Variants in RIPK2 observed in about 807,000 individuals in gnomAD.
The protein encoded by RIPK2 is receptor interacting serine/threonine kinase 2, also known as receptor-interacting serine/threonine-protein kinase 2.
RIPK2 carries 38 observed loss-of-function variants against 60.9 expected under a neutral mutation model. That is an observed-to-expected ratio of 0.62 (90% CI 0.48 to 0.82). The LOEUF is 0.82. Among genes scored for constraint, RIPK2 ranks in the 40% least tolerant of loss-of-function variants. The pLI is 0.00. For synonymous variants in RIPK2, 225 were observed against 223.4 expected (o/e 1.01, Z -0.06); for missense variants, 518 against 647.0 (o/e 0.80, Z 2.16).
rs201970959 is a variant in RIPK2 at position 89,790,572 on chromosome 8, T to C, written c.*156T>C. ...CTCCATGACACTGCAGTATTTTTTTTAATTAATACAAGTAAAAAGTTTGAA... is the reference window on the plus strand; with the variant it reads ...CTCCATGACACTGCAGTATTTTTTTCAATTAATACAAGTAAAAAGTTTGAA... On this transcript the variant is annotated 3_prime_UTR_variant, in exon 11 of 11. Coordinates refer to ENST00000220751, the MANE Select transcript of RIPK2 (RefSeq NM_003821.6). 9 of 533,672 alleles carry C rather than the reference T, an allele frequency of 1.7e-5. No individual in the cohort carries two copies. Among genetic ancestry groups the C allele is most frequent in the Non-Finnish European group, 2.6e-5 (8 of 312,954 alleles). 33.1% of individuals were successfully genotyped at this position (533,672 alleles called of 1,614,324 possible).
intron 4 of RIPK2, 77 bp downstream of exon 4, chr8:89,770,006 AT>A: frequency 8.9e-7 from 1 of 1,124,766 alleles, no homozygotes; most frequent in Non-Finnish European, 1.2e-6. Context: ...TTGAAGCTAC[AT>A]TTTAAACTGT....
intron 6 of RIPK2, among the ~76,000 whole-genome samples, chr8:89,776,961 G>A (rs1478486403): frequency 6.6e-6 from 1 of 152,130 alleles, no homozygotes; most frequent in Non-Finnish European, 1.5e-5. Flanking sequence ...TGAGCCTTCC[G>A]ATTGCCCAGC....
At chr8:89,769,200 T>C (rs16900480) in intron 3 of RIPK2, among the ~76,000 whole-genome samples, 9,028 of 151,926 alleles carry the variant, frequency 0.059, 813 homozygotes, top group African/African-American at 0.19. Flanking sequence ...TATGTTTTCT[T>C]TGCAATTATA....
intron 3 of RIPK2, among the ~76,000 whole-genome samples, chr8:89,765,858 A>G (rs1242532705): frequency 6.6e-6 from 1 of 151,756 alleles, no homozygotes; most frequent in East Asian, 1.9e-4. Context: ...CCACATTGTT[A>G]TATCACACAT....
At chr8:89,775,718 T>C (rs1809386116) in intron 6 of RIPK2, among the ~76,000 whole-genome samples, 1 of 151,786 alleles carries the variant, frequency 6.6e-6, no homozygotes, top group Non-Finnish European at 1.5e-5. Flanking sequence ...TACAAGAAGT[T>C]TGTAGATCTG....
intron 7 of RIPK2, among the ~76,000 whole-genome samples, chr8:89,782,228 G>T (rs1809513314): frequency 1.3e-5 from 2 of 152,186 alleles, no homozygotes; most frequent in Non-Finnish European, 2.9e-5. Context: ...GCATGGATAT[G>T]CTGGACAAAG....
intron 6 of RIPK2, among the ~76,000 whole-genome samples, chr8:89,777,290 C>A (rs1160115462): frequency 6.6e-6 from 1 of 152,112 alleles, no homozygotes; most frequent in Non-Finnish European, 1.5e-5. Flanking sequence ...TTTAGAGGAT[C>A]TAGAATTTTC....
At chr8:89,759,642 G>C (rs1809112424) in intron 1 of RIPK2, among the ~76,000 whole-genome samples, 1 of 152,210 alleles carries the variant, frequency 6.6e-6, no homozygotes, top group African/African-American at 2.4e-5. Context: ...GATATACAAG[G>C]TGTGGTGTCT....
chr8:89,758,489 C>T (rs995899024), intron 1 of RIPK2, among the ~76,000 whole-genome samples: 1 of 152,222 alleles, frequency 6.6e-6, no homozygotes, highest in Non-Finnish European at 1.5e-5. Flanking sequence ...CCTTTCTCTC[C>T]TTCCCTCTTA....
chr8:89,789,871 A>G (rs400411), intron 10 of RIPK2, among the ~76,000 whole-genome samples: 97,014 of 152,054 alleles, frequency 0.64, 32,907 homozygotes, highest in African/African-American at 0.88. Flanking sequence ...GGAAAAGGCA[A>G]TGCCTTTTCT....
At chr8:89,767,732 C>T (rs1809251734) in intron 3 of RIPK2, among the ~76,000 whole-genome samples, 1 of 151,810 alleles carries the variant, frequency 6.6e-6, no homozygotes, top group South Asian at 2.1e-4. Flanking sequence ...TGGTTGCTTC[C>T]ACACATTGAT....
intron 6 of RIPK2, among the ~76,000 whole-genome samples, chr8:89,777,001 A>G (rs932461755): frequency 2.0e-5 from 3 of 152,208 alleles, no homozygotes; most frequent in Admixed American, 6.5e-5. Context: ...TAGATGCAGC[A>G]TGGGGAGAGG....
intron 8 of RIPK2, among the ~76,000 whole-genome samples, chr8:89,784,346 C>A (rs1427623222): frequency 2.6e-5 from 4 of 152,060 alleles, no homozygotes; most frequent in African/African-American, 9.7e-5. Flanking sequence ...CATCAAATCA[C>A]AATTATTGCT....
intron 5 of RIPK2, among the ~76,000 whole-genome samples, chr8:89,772,140 T>C (rs1228479257): frequency 6.6e-6 from 1 of 151,968 alleles, no homozygotes; most frequent in Non-Finnish European, 1.5e-5. Context: ...TTCCAAGTTC[T>C]AGTCTAGCTG....
intron 6 of RIPK2, among the ~76,000 whole-genome samples, chr8:89,777,091 A>G (rs1460667683): frequency 6.6e-6 from 1 of 152,220 alleles, no homozygotes; most frequent in Non-Finnish European, 1.5e-5. Flanking sequence ...GACAGACTTC[A>G]TAGGACATTG....
intron 8 of RIPK2, among the ~76,000 whole-genome samples, chr8:89,784,976 C>G (rs916746271): frequency 3.3e-5 from 5 of 152,056 alleles, no homozygotes; most frequent in Non-Finnish European, 7.4e-5. Context: ...ACAGCTTGCT[C>G]TCTCAGGAAT....
At chr8:89,768,877 A>T (rs1368338127) in intron 3 of RIPK2, among the ~76,000 whole-genome samples, 1 of 151,734 alleles carries the variant, frequency 6.6e-6, no homozygotes, top group Non-Finnish European at 1.5e-5. Context: ...ATGGAAACAA[A>T]TGATGTGCTG....
At position 89,780,212 on chromosome 8, in the gene RIPK2, T is replaced by C. The variant is rs771874671; in HGVS notation, c.939+52T>C. The C allele has an allele frequency of 2.8e-5, 25 of 894,500 alleles. No individual in the cohort carries two copies. In the South Asian group the frequency reaches 3.9e-4, roughly 14 times the overall value. The allele number at this position is 894,500 out of a possible 1,614,324, so 55.4% of individuals were successfully genotyped here. ...ATTAGAAATTTAAACAACTATATAATATTCATGGAGATTTTTAGTTAAGTG... is the reference window on the plus strand; with the variant it reads ...ATTAGAAATTTAAACAACTATATAACATTCATGGAGATTTTTAGTTAAGTG... On this transcript the variant is annotated intron_variant, in intron 7 of 10. Transcript: ENST00000220751.
At chr8:89,758,909 T>C (rs552064871) in intron 1 of RIPK2, among the ~76,000 whole-genome samples, 1 of 152,340 alleles carries the variant, frequency 6.6e-6, no homozygotes, top group African/African-American at 2.4e-5. Context: ...ACGAGAAAAT[T>C]TTAAATTGTA....
Sources: allele counts gnomAD v4.1 joint callset (sites outside exome capture counted in the v4.1 genomes callset), GRCh38; gene constraint gnomAD v4.1.1; transcripts MANE v1.5; gene names NCBI Gene and HGNC (gene_info 2026-07-23, HGNC 2026-07-21).